PPP1R12C: variants seen among roughly 807,000 people sequenced by gnomAD.
PPP1R12C encodes protein phosphatase 1 regulatory subunit 12C, also known as leukocyte receptor cluster (LRC) encoded novel gene 3.
Under a neutral mutation model 95.6 loss-of-function variants are expected in PPP1R12C, and 48 were observed. The ratio of observed to expected loss-of-function variants is 0.50; its 90% CI spans 0.40 to 0.64. PPP1R12C has a LOEUF of 0.64. Among genes scored for constraint, PPP1R12C ranks in the 30% least tolerant of loss-of-function variants. PPP1R12C has a pLI of 0.00. For missense variants in PPP1R12C, 1,057 were observed against 1,083.3 expected (o/e 0.98, Z 0.34); for synonymous variants, 480 against 460.8 (o/e 1.04, Z -0.53).
intron 4 of PPP1R12C, 37 bp from the exon 5 acceptor site, chr19:55,099,132 C>CG: frequency 2.0e-6 from 3 of 1,475,250 alleles, no homozygotes; most frequent in Non-Finnish European, 2.7e-6. Flanking sequence ...GAGGCCAAGG[C>CG]GGGGCCCTTG....
chr19:55,098,644 GCTGGGT>G, intron 6 of PPP1R12C, 134 bp downstream of exon 6: 1 of 1,042,656 alleles, frequency 9.6e-7, no homozygotes, highest in South Asian at 1.5e-5. Context: ...TGGGGCTGGG[GCTGGGT>G]CACCAAGAGG....
At chr19:55,111,246 C>T (rs889149014) in intron 3 of PPP1R12C, 7 of 151,824 alleles carry the variant, frequency 4.6e-5, no homozygotes, top group African/African-American at 1.7e-4. Flanking sequence ...TCATAAATGC[C>T]CGACCCCGTG....
At chr19:55,098,336 C>A (rs1005139972) in intron 6 of PPP1R12C, among the ~76,000 whole-genome samples, 4 of 152,242 alleles carry the variant, frequency 2.6e-5, no homozygotes, top group Non-Finnish European at 4.4e-5. Flanking sequence ...GGGATTCCAA[C>A]CCAGGCAGTC....
At chr19:55,110,506 T>A (rs182334808) in intron 3 of PPP1R12C, among the ~76,000 whole-genome samples, 13 of 152,308 alleles carry the variant, frequency 8.5e-5, no homozygotes. Flanking sequence ...GTTGCATCCC[T>A]ACTGTGGTTC....
chr19:55,107,861 A>C (rs1019758008), intron 3 of PPP1R12C, among the ~76,000 whole-genome samples: 1 of 151,964 alleles, frequency 6.6e-6, no homozygotes, highest in Non-Finnish European at 1.5e-5. Flanking sequence ...ATAAAAAATA[A>C]AAATAAAAAT....
chr19:55,095,599 A>T lies in PPP1R12C; in HGVS notation c.1232T>A (p.Leu411His). Residue 411 changes from leucine (L) to histidine (H), a missense_variant, in exon 10 of 22, where the codon CTT (leucine) becomes CAT (histidine). Physicochemically the swap from Leu to His is moderately conservative, Grantham distance 99. Around this residue, in one of 5 missense-constraint regions of PPP1R12C, gnomAD observed 356 missense variants for 330.5 expected, o/e 1.08. Transcript: ENST00000263433. ...PHPSPKSPVQ[L>H]EEAPFSRRFG... ...GCGCCTGGAGAAGGGGGCCTCTTCA[A>T]GCTGCTGGGAGAAGGAGGAGGTCTC... is the stretch of plus-strand genomic sequence containing the variant. 1 of 1,557,686 alleles carries T rather than the reference A, an allele frequency of 6.4e-7. No individual in the cohort carries two copies. Among genetic ancestry groups the T allele is most frequent in the South Asian group, 1.2e-5 (1 of 81,432 alleles).
At chr19:55,112,423 T>G in intron 3 of PPP1R12C, 44 bp downstream of exon 3, 1 of 1,550,588 alleles carries the variant, frequency 6.4e-7, no homozygotes, top group Non-Finnish European at 8.8e-7. Context: ...AGACCACGGG[T>G]GAGGAGGTGT....
At chr19:55,095,206 C>T (rs1439672237) in intron 11 of PPP1R12C, 85 bp downstream of exon 11, 7 of 1,408,638 alleles carry the variant, frequency 5.0e-6, no homozygotes, top group African/African-American at 1.4e-5. Context: ...CCAGGGGGTA[C>T]ATGGTCTCAC....
chr19:55,103,065 C>T lies in PPP1R12C; in HGVS notation c.731+344G>A, dbSNP rs574466386. Reference sequence around the variant, plus strand: ...AAAATTAGCGGGGCATGGTGGTGTGCGCCTGTAGTCCCCACTATTCAGGAG... The same window carrying T: ...AAAATTAGCGGGGCATGGTGGTGTGTGCCTGTAGTCCCCACTATTCAGGAG... On this transcript the variant is annotated intron_variant, in intron 4 of 21. Coordinates refer to ENST00000263433, the MANE Select transcript of PPP1R12C (RefSeq NM_017607.4). Among the ~76,000 whole-genome samples the T allele has an allele frequency of 2.4e-4, 36 of 152,170 alleles. No individual in the cohort carries two copies. The East Asian group carries it at 2.9e-3, about 12-fold the overall frequency.
intron 19 of PPP1R12C, 138 bp from the exon 20 acceptor site, chr19:55,092,047 G>A (rs1050615083): frequency 1.7e-5 from 21 of 1,203,774 alleles, no homozygotes; most frequent in African/African-American, 1.1e-4. Context: ...CCCCGCCACC[G>A]GCAGGCCCAC....
In PPP1R12C at chr19:55,092,939, G is replaced by A. The variant is rs568670321; in HGVS notation, c.1826-71C>T. On this transcript the variant is annotated intron_variant, in intron 15 of 21. Transcript: ENST00000263433. ...CTCGGTGCCTGGGTCCCCGGGTCAA[G>A]CCCCCAGGAAAGCAAGAAGACTATG... The A allele has an allele frequency of 5.1e-6, 8 of 1,581,574 alleles. No homozygotes were observed. In the East Asian group the frequency reaches 9.0e-5, roughly 18 times the overall value.
At chr19:55,108,009 C>G (rs573664498) in intron 3 of PPP1R12C, among the ~76,000 whole-genome samples, 49 of 140,764 alleles carry the variant, frequency 3.5e-4, no homozygotes, top group African/African-American at 1.3e-3. Flanking sequence ...GATCTCGGCT[C>G]ACTGCAACCT....
chr19:55,114,287 A>G (rs923134983), intron 1 of PPP1R12C: 1 of 154,494 alleles, frequency 6.5e-6, no homozygotes, highest in African/African-American at 2.4e-5. Flanking sequence ...AGCCCTAAGA[A>G]TCCTGGCTCC....
chr19:55,112,842 G>GT, intron 1 of PPP1R12C, 47 bp from the exon 2 acceptor site: 1 of 1,604,752 alleles, frequency 6.2e-7, no homozygotes, highest in East Asian at 2.2e-5. Flanking sequence ...CAGCCACGGT[G>GT]TCCCAGCAAG....
At chr19:55,091,605 C>T (rs376268294) in intron 21 of PPP1R12C, 45 bp downstream of exon 21, 127 of 1,604,440 alleles carry the variant, frequency 7.9e-5, no homozygotes, top group Non-Finnish European at 3.7e-5. Flanking sequence ...GGGTTGCACC[C>T]CCACCCACCC....
chr19:55,112,267 G>A (rs80313268), intron 3 of PPP1R12C, 200 bp downstream of exon 3: 14,359 of 398,872 alleles, frequency 0.036, 445 homozygotes, highest in East Asian at 0.14. Context: ...TTCTCATCCT[G>A]TGCGTGTGCT....
intron 4 of PPP1R12C, among the ~76,000 whole-genome samples, chr19:55,102,750 G>C (rs2084992124): frequency 6.6e-6 from 1 of 152,146 alleles, no homozygotes; most frequent in Non-Finnish European, 1.5e-5. Flanking sequence ...AGAGAACACT[G>C]TACCTGATGA....
chr19:55,091,932 AG>A, intron 19 of PPP1R12C, 23 bp from the exon 20 acceptor site: 1 of 1,612,602 alleles, frequency 6.2e-7, no homozygotes, highest in Non-Finnish European at 8.5e-7. Flanking sequence ...CAGAAAGCAC[AG>A]GGGTCAGCAG....
intron 3 of PPP1R12C, among the ~76,000 whole-genome samples, chr19:55,105,624 T>C (rs2085030164): frequency 6.6e-6 from 1 of 152,186 alleles, no homozygotes; most frequent in Non-Finnish European, 1.5e-5. Context: ...AGCTTTTTCA[T>C]GATCCCAAAT....
Sources: gnomAD v4.1 joint callset for allele counts (sites outside exome capture counted in the v4.1 genomes callset) on GRCh38, gnomAD v4.1.1 for gene constraint, gnomAD v4.1.1 regional missense constraint, MANE v1.5 for transcripts, NCBI Gene and HGNC (gene_info 2026-07-23, HGNC 2026-07-21) for gene names.